The following TRAIP variants were observed in gnomAD, a reference collection of about 807,000 sequenced individuals.
TRAIP encodes TRAF interacting protein, also known as E3 ubiquitin-protein ligase TRAIP.
A neutral mutation model predicts 65.0 loss-of-function variants in TRAIP; 37 were observed. The ratio of observed to expected loss-of-function variants is 0.57; its 90% CI spans 0.44 to 0.75. The LOEUF (loss-of-function observed/expected upper bound fraction) is 0.75, where lower values mean the gene tolerates loss of function less well. Among genes scored for constraint, TRAIP ranks in the 30% least tolerant of loss-of-function variants. The pLI is 0.00. For missense variants in TRAIP, 481 were observed against 579.4 expected (o/e 0.83, Z 1.74); for synonymous variants, 187 against 219.1 (o/e 0.85, Z 1.29).
chr3:49,830,008 G>A lies in TRAIP; in HGVS notation c.1086+12C>T. The A allele has an allele frequency of 6.2e-7, 1 of 1,614,176 alleles. No individual in the cohort carries two copies. The highest frequency in any genetic ancestry group is 1.3e-5 in the African/African-American group (1 of 75,056). On this transcript the variant is annotated intron_variant, in intron 12 of 14. Transcript: ENST00000331456. ...CAAAGGTTAGACTGTGCTTCTTCTA[G>A]AAAGCTCTTACCTTCCTGGGGCCTT...
At chr3:49,835,352 T>C (rs751018034) in intron 10 of TRAIP, among the ~76,000 whole-genome samples, 1 of 152,214 alleles carries the variant, frequency 6.6e-6, no homozygotes, top group Non-Finnish European at 1.5e-5. Flanking sequence ...TCCACTTATA[T>C]GAGGCTCCTA....
At chr3:49,851,451 C>G (rs1217786181) in intron 1 of TRAIP, among the ~76,000 whole-genome samples, 1 of 152,212 alleles carries the variant, frequency 6.6e-6, no homozygotes. Flanking sequence ...TGCAGCAGCA[C>G]AATCATGAGT....
chr3:49,853,295 C>T (rs751050002), intron 1 of TRAIP, among the ~76,000 whole-genome samples: 4 of 152,090 alleles, frequency 2.6e-5, no homozygotes, highest in African/African-American at 4.8e-5. Flanking sequence ...ACTTCAATAG[C>T]TACAACGGAA....
At chr3:49,837,485 A>G (rs546514835) in intron 10 of TRAIP, among the ~76,000 whole-genome samples, 5 of 152,172 alleles carry the variant, frequency 3.3e-5, no homozygotes, top group Admixed American at 3.3e-4. Flanking sequence ...CCAACAAACA[A>G]ACCAACAAAC....
At chr3:49,850,800 G>A (rs1414074328) in intron 1 of TRAIP, among the ~76,000 whole-genome samples, 2 of 151,060 alleles carry the variant, frequency 1.3e-5, no homozygotes, top group Non-Finnish European at 3.0e-5. Flanking sequence ...GGTTACGGGT[G>A]CACGCCACCA....
Position 49,829,035 on chromosome 3 carries a change from C to G in TRAIP, c.*68G>C, listed in dbSNP as rs1282473709. ...AAAGTGGGGCTCTGTCCACAAAACC[C>G]CTGCCTGGACAGTCCTTGACCTACA... is the stretch of plus-strand genomic sequence containing the variant. On this transcript the variant is annotated 3_prime_UTR_variant, in exon 15 of 15. Coordinates refer to ENST00000331456, the MANE Select transcript of TRAIP (RefSeq NM_005879.3). The G allele has an allele frequency of 6.2e-7, 1 of 1,609,824 alleles. No individual in the cohort carries two copies. The highest frequency in any genetic ancestry group is 8.5e-7 in the Non-Finnish European group (1 of 1,177,026).
At chr3:49,836,952 CTTTTT>C (rs397875517) in intron 10 of TRAIP, among the ~76,000 whole-genome samples, 8 of 83,222 alleles carry the variant, frequency 9.6e-5, no homozygotes, top group African/African-American at 3.2e-4. Context: ...CTTGACATGA[CTTTTT>C]TTTTTTTTTT....
intron 2 of TRAIP, 135 bp from the exon 3 acceptor site, chr3:49,847,743 A>G (rs1456802053): frequency 4.3e-5 from 28 of 655,536 alleles, no homozygotes; most frequent in East Asian, 1.0e-4. Flanking sequence ...TTCAAAGTAC[A>G]TCCTTTAGAG....
intron 12 of TRAIP, 62 bp downstream of exon 12, chr3:49,829,958 T>G: frequency 6.2e-7 from 1 of 1,605,226 alleles, no homozygotes; most frequent in Non-Finnish European, 8.5e-7. Context: ...GGCAAGACCG[T>G]GCCCTCCCAA....
In TRAIP at chr3:49,828,601, TTG is replaced by T. The variant is rs1217464281; in HGVS notation, c.*500_*501del. 8.2e-6 allele frequency: 1 copy of T among 121,656 alleles called. No homozygotes were observed. The highest frequency in any genetic ancestry group is 2.0e-4 in the East Asian group (1 of 5,126). The allele number at this position is 121,656 out of a possible 1,614,324, so 7.5% of individuals were successfully genotyped here. A position where few individuals can be genotyped will look rare whatever the true frequency, so the allele number is the denominator to read the frequency against. On this transcript the variant is annotated 3_prime_UTR_variant, in exon 15 of 15. Coordinates refer to ENST00000331456, the MANE Select transcript of TRAIP (RefSeq NM_005879.3). ...CACTCTCAGAACCAGGAAGAAGAGATTGTTTTTTTTTTTTAATTTTATTTTAC... is the reference window on the plus strand; with the variant it reads ...CACTCTCAGAACCAGGAAGAAGAGATTTTTTTTTTTTTAATTTTATTTTAC...
rs2108310118 is a variant in TRAIP at position 49,832,596 on chromosome 3, G to A, written c.885-528C>T. On this transcript the variant is annotated intron_variant, in intron 10 of 14. Coordinates refer to ENST00000331456, the MANE Select transcript of TRAIP (RefSeq NM_005879.3). ...TGGCACCCCCCCACCACTCCCACAT[G>A]CAGAAAAAGGAGAAGGAAATATTCC... Among the ~76,000 whole-genome samples the A allele has an allele frequency of 2.0e-5, 3 of 146,624 alleles. No homozygotes were observed. In the South Asian group the frequency reaches 6.4e-4, roughly 31 times the overall value.
intron 1 of TRAIP, among the ~76,000 whole-genome samples, chr3:49,849,881 C>T (rs1209812680): frequency 9.2e-6 from 1 of 109,164 alleles, no homozygotes; most frequent in Non-Finnish European, 1.7e-5. Context: ...GGGTCTCAAT[C>T]TGTCACCCAG....
chr3:49,834,562 G>A (rs753904331), intron 10 of TRAIP, among the ~76,000 whole-genome samples: 2 of 152,168 alleles, frequency 1.3e-5, no homozygotes, highest in East Asian at 1.9e-4. Context: ...TGCTGCCCTG[G>A]GCCAATAAAT....
chr3:49,836,999 C>G (rs2081795236), intron 10 of TRAIP, among the ~76,000 whole-genome samples: 1 of 148,606 alleles, frequency 6.7e-6, no homozygotes, highest in Non-Finnish European at 1.5e-5. Context: ...ACTCTGTCGC[C>G]CAGACTAGAG....
At chr3:49,840,261 G>A (rs997920049) in intron 9 of TRAIP, 23 bp downstream of exon 9, 1 of 1,609,136 alleles carries the variant, frequency 6.2e-7, no homozygotes, top group African/African-American at 1.3e-5. Flanking sequence ...CCTCATTCCT[G>A]TCAAGCCAGG....
chr3:49,831,123 C>T (rs1019029305), intron 11 of TRAIP, among the ~76,000 whole-genome samples: 4 of 152,202 alleles, frequency 2.6e-5, no homozygotes, highest in African/African-American at 4.8e-5. Flanking sequence ...TACCAGGCCT[C>T]GCCCTCTACA....
intron 10 of TRAIP, among the ~76,000 whole-genome samples, chr3:49,833,725 C>T (rs2081756416): frequency 6.6e-6 from 1 of 152,140 alleles, no homozygotes; most frequent in Non-Finnish European, 1.5e-5. Flanking sequence ...GTGATCTGCC[C>T]ACCTCGGCCT....
At chr3:49,833,948 C>T (rs1462662298) in intron 10 of TRAIP, among the ~76,000 whole-genome samples, 2 of 152,144 alleles carry the variant, frequency 1.3e-5, no homozygotes, top group African/African-American at 4.8e-5. Flanking sequence ...TTGAGGCCCT[C>T]CTGAGTGACA....
chr3:49,836,363 G>A (rs1053752656), intron 10 of TRAIP, among the ~76,000 whole-genome samples: 5 of 151,786 alleles, frequency 3.3e-5, no homozygotes, highest in African/African-American at 4.8e-5. Flanking sequence ...ATGGTGGTGC[G>A]TGCCTATAAT....
Sources: allele counts gnomAD v4.1 joint callset (sites outside exome capture counted in the v4.1 genomes callset), GRCh38; gene constraint gnomAD v4.1.1; transcripts MANE v1.5; gene names NCBI Gene and HGNC (gene_info 2026-07-23, HGNC 2026-07-21).